The following IQCJ variants were observed in gnomAD, a reference collection of about 807,000 sequenced individuals.
The protein encoded by IQCJ is IQ domain-containing protein J.
IQCJ carries 9 observed loss-of-function variants against 11.0 expected under a neutral mutation model. The ratio of observed to expected loss-of-function variants is 0.82; its 90% CI spans 0.49 to 1.43. The LOEUF (loss-of-function observed/expected upper bound fraction) is 1.43, where lower values mean the gene tolerates loss of function less well. Among genes scored for constraint, IQCJ ranks in the 40% most tolerant of loss-of-function variants. The probability of loss-of-function intolerance (pLI) is 0.00; values close to 1 mark genes in which losing one functional copy is unlikely to be tolerated. For missense variants in IQCJ, 146 were observed against 133.2 expected (o/e 1.10, Z -0.47); for synonymous variants, 55 against 51.3 (o/e 1.07, Z -0.31).
chr3:159,264,525 G>C (rs1293008395), downstream of IQCJ, among the ~76,000 whole-genome samples: 2 of 152,084 alleles, frequency 1.3e-5, no homozygotes, highest in East Asian at 3.9e-4. Context: ...ACTGAATTGG[G>C]GGTGCATCCT....
At chr3:159,093,878 A>G (rs1344221864) in intron 1 of IQCJ, among the ~76,000 whole-genome samples, 2 of 151,586 alleles carry the variant, frequency 1.3e-5, no homozygotes, top group African/African-American at 2.4e-5. Flanking sequence ...GCATGGGGGA[A>G]CCTCCTCCAT....
intron 1 of IQCJ, among the ~76,000 whole-genome samples, chr3:159,085,916 G>A (rs1169055599): frequency 6.6e-6 from 1 of 150,996 alleles, no homozygotes; most frequent in African/African-American, 2.4e-5. Flanking sequence ...AAGCTCTTTA[G>A]TTTAATTAGA....
chr3:159,140,887 A>C (rs891223293), intron 1 of IQCJ, among the ~76,000 whole-genome samples: 2 of 152,238 alleles, frequency 1.3e-5, no homozygotes, highest in Non-Finnish European at 2.9e-5. Flanking sequence ...TTTGTGCCAG[A>C]ACTAAGAAAA....
At chr3:159,175,647 T>C (rs1321788154) in intron 1 of IQCJ, among the ~76,000 whole-genome samples, 1 of 152,192 alleles carries the variant, frequency 6.6e-6, no homozygotes. Context: ...TTGAGATTCA[T>C]TCAGGTTGTT....
chr3:159,167,676 A>G (rs142790111), intron 1 of IQCJ, among the ~76,000 whole-genome samples: 1 of 152,214 alleles, frequency 6.6e-6, no homozygotes, highest in African/African-American at 2.4e-5. Flanking sequence ...TCAATATTGG[A>G]TGAGTTTCTA....
intron 1 of IQCJ, among the ~76,000 whole-genome samples, chr3:159,127,368 C>T (rs1236644973): frequency 6.6e-6 from 1 of 152,176 alleles, no homozygotes; most frequent in Admixed American, 6.5e-5. Context: ...GAAACCTAAT[C>T]TTTCTGCCTC....
chr3:159,177,846 A>G (rs1722875573), intron 1 of IQCJ, among the ~76,000 whole-genome samples: 1 of 152,226 alleles, frequency 6.6e-6, no homozygotes, highest in South Asian at 2.1e-4. Context: ...TACAGTACCA[A>G]TTTATACAAG....
intron 1 of IQCJ, among the ~76,000 whole-genome samples, chr3:159,134,083 A>C (rs1720151043): frequency 6.6e-6 from 1 of 152,002 alleles, no homozygotes; most frequent in South Asian, 2.1e-4. Flanking sequence ...TTGCTAGGTC[A>C]CAGCTAGAGG....
intron 1 of IQCJ, among the ~76,000 whole-genome samples, chr3:159,124,456 T>C (rs1719556903): frequency 6.6e-6 from 1 of 152,146 alleles, no homozygotes; most frequent in Admixed American, 6.5e-5. Flanking sequence ...GCCCTCCTCA[T>C]GGTTGTTTCC....
At chr3:159,227,147 T>C (rs1318546226) in intron 1 of IQCJ, among the ~76,000 whole-genome samples, 1 of 152,216 alleles carries the variant, frequency 6.6e-6, no homozygotes, top group African/African-American at 2.4e-5. Context: ...CTTTCTAAAT[T>C]GTTATAATTA....
At chr3:159,229,200 A>G (rs1470310879) in intron 1 of IQCJ, among the ~76,000 whole-genome samples, 1 of 151,740 alleles carries the variant, frequency 6.6e-6, no homozygotes, top group Non-Finnish European at 1.5e-5. Flanking sequence ...CATTTCTATC[A>G]CTCTTTCCAC....
intron 1 of IQCJ, among the ~76,000 whole-genome samples, chr3:159,176,340 A>T (rs1722792942): frequency 6.6e-6 from 1 of 152,058 alleles, no homozygotes; most frequent in Non-Finnish European, 1.5e-5. Flanking sequence ...ATTTTTTAAA[A>T]TATCTTTTCC....
chr3:159,112,560 G>T (rs921274581), intron 1 of IQCJ, among the ~76,000 whole-genome samples: 3 of 150,344 alleles, frequency 2.0e-5, no homozygotes, highest in Non-Finnish European at 4.4e-5. Flanking sequence ...CTAGACAGAG[G>T]CTGAAGCATG....
intron 1 of IQCJ, among the ~76,000 whole-genome samples, chr3:159,228,786 G>A (rs1405206570): frequency 1.4e-5 from 2 of 138,990 alleles, no homozygotes; most frequent in African/African-American, 5.6e-5. Flanking sequence ...CTGGGCGACA[G>A]AGCGAGACTC....
At chr3:159,251,840 A>G (rs984526375) in intron 2 of IQCJ, among the ~76,000 whole-genome samples, 1 of 152,098 alleles carries the variant, frequency 6.6e-6, no homozygotes, top group Non-Finnish European at 1.5e-5. Context: ...CAAGCTTCAG[A>G]TTTTTCAGCT....
intron 1 of IQCJ, among the ~76,000 whole-genome samples, chr3:159,155,750 A>G (rs1299446620): frequency 1.3e-5 from 2 of 152,226 alleles, no homozygotes; most frequent in Admixed American, 6.5e-5. Context: ...ACTAAATGTC[A>G]TAGGGATTAA....
chr3:159,202,194 G>A (rs927882085), intron 1 of IQCJ, among the ~76,000 whole-genome samples: 1 of 152,100 alleles, frequency 6.6e-6, no homozygotes, highest in African/African-American at 2.4e-5. Flanking sequence ...TAACTTTAAA[G>A]GCTCTTTAAG....
At chr3:159,194,470 CTGT>C (rs147187196) in intron 1 of IQCJ, among the ~76,000 whole-genome samples, 238 of 152,290 alleles carry the variant, frequency 1.6e-3, no homozygotes, top group African/African-American at 5.2e-3. Flanking sequence ...GAGCCCAACA[CTGT>C]TGTTCTATAA....
intron 2 of IQCJ, among the ~76,000 whole-genome samples, chr3:159,247,480 G>A (rs1043354695): frequency 6.6e-6 from 1 of 152,166 alleles, no homozygotes; most frequent in African/African-American, 2.4e-5. Context: ...TTTTGATGAA[G>A]AATGGACAGC....
Sources: gnomAD v4.1 joint callset for allele counts (sites outside exome capture counted in the v4.1 genomes callset) on GRCh38, gnomAD v4.1.1 for gene constraint, MANE v1.5 for transcripts, NCBI Gene and HGNC (gene_info 2026-07-23, HGNC 2026-07-21) for gene names.